Variants in CCDC175 observed in about 807,000 individuals in gnomAD.
CCDC175 encodes the protein coiled-coil domain containing 175.
Under a neutral mutation model 114.6 loss-of-function variants are expected in CCDC175, and 100 were observed. The observed-to-expected ratio is 0.87, with a 90% CI of 0.74 to 1.03. The LOEUF is 1.03. Ranked by LOEUF, CCDC175 falls within the 50% of genes least tolerant of loss-of-function variation. The probability of loss-of-function intolerance (pLI) is 0.00; values close to 1 mark genes in which losing one functional copy is unlikely to be tolerated. For missense variants in CCDC175, 880 were observed against 917.8 expected, an observed-to-expected ratio of 0.96 and a Z score of 0.53; for synonymous variants, 306 against 308.7, an observed-to-expected ratio of 0.99 and a Z score of 0.09.
At chr14:59,550,957 A>G (rs1227711346) in intron 8 of CCDC175, among the ~76,000 whole-genome samples, 1 of 152,244 alleles carries the variant, frequency 6.6e-6, no homozygotes, top group African/African-American at 2.4e-5. Flanking sequence ...AGTATTAACC[A>G]TCACAATATG....
chr14:59,509,309 G>A (rs1210147685), intron 19 of CCDC175, among the ~76,000 whole-genome samples: 1 of 152,100 alleles, frequency 6.6e-6, no homozygotes, highest in African/African-American at 2.4e-5. Context: ...GGCCCACAAA[G>A]GATCCTTTAT....
At chr14:59,512,922 T>C (rs1892836116) in intron 17 of CCDC175, among the ~76,000 whole-genome samples, 1 of 151,574 alleles carries the variant, frequency 6.6e-6, no homozygotes, top group Non-Finnish European at 1.5e-5. Context: ...AAGACAAGCA[T>C]ACAGGTGAAG....
chr14:59,544,592 T>G (rs148114240), intron 9 of CCDC175, among the ~76,000 whole-genome samples: 1 of 152,112 alleles, frequency 6.6e-6, no homozygotes, highest in African/African-American at 2.4e-5. Flanking sequence ...ATAGAGAGAT[T>G]TGGGTAATTT....
intron 7 of CCDC175, among the ~76,000 whole-genome samples, chr14:59,553,005 T>G (rs999660020): frequency 2.0e-5 from 3 of 152,088 alleles, no homozygotes. Flanking sequence ...TACCTGAAAG[T>G]GACAGGGAGA....
chr14:59,526,948 A>T, intron 15 of CCDC175, 147 bp downstream of exon 15: 1 of 523,714 alleles, frequency 1.9e-6, no homozygotes, highest in South Asian at 2.8e-5. Flanking sequence ...ATGTGTTATA[A>T]CAAAGATTGT....
chr14:59,562,601 C>T lies in CCDC175; in HGVS notation c.843+1136G>A, dbSNP rs962466018. Among the ~76,000 whole-genome samples the T allele has an allele frequency of 2.6e-5, 4 of 152,046 alleles. No individual in the cohort carries two copies. The East Asian group carries it at 5.8e-4, about 22-fold the overall frequency. On this transcript the variant is annotated intron_variant, in intron 6 of 19. Transcript: ENST00000537690. The stretch of plus-strand genomic sequence containing the variant: ...ATGGAGGGGTAGGAAGGTGGGCAGG[C>T]TGGATTGTGGGAAGTGGGGAAGGAC...
chr14:59,550,322 C>T (rs994618186), intron 8 of CCDC175, among the ~76,000 whole-genome samples: 3 of 152,100 alleles, frequency 2.0e-5, no homozygotes, highest in Non-Finnish European at 4.4e-5. Context: ...CCCTCACCCC[C>T]AATTTTTCAC....
chr14:59,505,141 T>G lies in CCDC175; in HGVS notation c.*98A>C. The G allele has an allele frequency of 2.0e-6, 1 of 512,278 alleles. No individual in the cohort carries two copies. Among genetic ancestry groups the G allele is most frequent in the Non-Finnish European group, 3.3e-6 (1 of 302,926 alleles). The allele number at this position is 512,278 out of a possible 1,614,324, so 31.7% of individuals were successfully genotyped here. On this transcript the variant is annotated 3_prime_UTR_variant, in exon 20 of 20. Coordinates refer to ENST00000537690, the MANE Select transcript of CCDC175 (RefSeq NM_001164399.2). The stretch of plus-strand genomic sequence containing the variant: ...TGTGAATTAGTTAAATTTTAAATGT[T>G]TAAGACTTCTATTAACAGCTGCAAA...
chr14:59,559,681 A>G (rs1041813378), intron 7 of CCDC175, among the ~76,000 whole-genome samples: 1 of 152,172 alleles, frequency 6.6e-6, no homozygotes, highest in Non-Finnish European at 1.5e-5. Context: ...CAGCTAAGGA[A>G]GAAAATAGAA....
intron 13 of CCDC175, among the ~76,000 whole-genome samples, chr14:59,532,633 G>A (rs945476488): frequency 1.3e-4 from 20 of 152,188 alleles, no homozygotes; most frequent in East Asian, 1.9e-4. Flanking sequence ...TGGAAGTCAT[G>A]TGTGCCACTT....
intron 5 of CCDC175, 121 bp downstream of exon 5, chr14:59,564,926 G>C (rs1297403538): frequency 2.9e-6 from 2 of 701,376 alleles, no homozygotes; most frequent in Non-Finnish European, 4.7e-6. Context: ...TTTTCCCAGC[G>C]CGTTCACAGA....
chr14:59,552,484 A>G (rs1477768188), intron 7 of CCDC175, among the ~76,000 whole-genome samples: 2 of 152,224 alleles, frequency 1.3e-5, no homozygotes, highest in Admixed American at 6.5e-5. Context: ...CCATCATCAT[A>G]GACCAAAGGT....
intron 17 of CCDC175, among the ~76,000 whole-genome samples, chr14:59,516,964 A>T (rs928701285): frequency 4.6e-5 from 7 of 152,236 alleles, no homozygotes; most frequent in African/African-American, 1.7e-4. Flanking sequence ...CAAAAAGCTT[A>T]TCCACCATGA....
intron 7 of CCDC175, among the ~76,000 whole-genome samples, chr14:59,554,930 C>T (rs1003046314): frequency 2.0e-5 from 3 of 152,042 alleles, no homozygotes; most frequent in South Asian, 2.1e-4. Context: ...AAGTTGAATC[C>T]CTGAATAGAC....
At chr14:59,529,418 G>C (rs183858391) in intron 14 of CCDC175, among the ~76,000 whole-genome samples, 1 of 152,170 alleles carries the variant, frequency 6.6e-6, no homozygotes, top group Non-Finnish European at 1.5e-5. Context: ...AAGGGGATTT[G>C]ACCTGGAGCT....
At chr14:59,514,890 G>C (rs918032880) in intron 17 of CCDC175, among the ~76,000 whole-genome samples, 2 of 152,122 alleles carry the variant, frequency 1.3e-5, no homozygotes, top group African/African-American at 4.8e-5. Context: ...TGAAATGAAG[G>C]AAAAAATGTT....
intron 13 of CCDC175, 35 bp from the exon 14 acceptor site, chr14:59,531,945 T>C: frequency 1.0e-6 from 1 of 986,300 alleles, no homozygotes; most frequent in Non-Finnish European, 1.5e-6. Context: ...AGAAATATAA[T>C]TTTGGATAAT....
At chr14:59,506,599 T>G (rs1892415453) in intron 19 of CCDC175, among the ~76,000 whole-genome samples, 1 of 151,880 alleles carries the variant, frequency 6.6e-6, no homozygotes, top group Non-Finnish European at 1.5e-5. Flanking sequence ...AGCACAGGGG[T>G]TTTTTAAAAT....
At chr14:59,535,730 C>T (rs879613374) in intron 13 of CCDC175, among the ~76,000 whole-genome samples, 1 of 152,198 alleles carries the variant, frequency 6.6e-6, no homozygotes, top group Admixed American at 6.5e-5. Context: ...CTTTCTAGCC[C>T]AGACACAACA....
Sources: allele counts gnomAD v4.1 joint callset (sites outside exome capture counted in the v4.1 genomes callset), GRCh38; gene constraint gnomAD v4.1.1; transcripts MANE v1.5; gene names NCBI Gene and HGNC (gene_info 2026-07-23, HGNC 2026-07-21).